The following CARMIL1 variants were observed in gnomAD, a reference collection of about 807,000 sequenced individuals.
CARMIL1 encodes the protein capping protein regulator and myosin 1 linker 1, also known as F-actin-uncapping protein LRRC16A.
A neutral mutation model predicts 177.1 loss-of-function variants in CARMIL1; 90 were observed. The observed-to-expected ratio is 0.51, with a 90% CI of 0.43 to 0.61. CARMIL1 has a LOEUF of 0.61. Ranked by LOEUF, CARMIL1 falls within the 20% of genes least tolerant of loss-of-function variation. CARMIL1 has a pLI of 0.00. For synonymous variants in CARMIL1, 577 were observed against 606.2 expected (o/e 0.95, Z 0.71); for missense variants, 1,380 against 1,667.0 (o/e 0.83, Z 3.00).
intron 3 of CARMIL1, among the ~76,000 whole-genome samples, chr6:25,422,733 C>T (rs6927091): frequency 0.043 from 6,587 of 152,150 alleles, 145 homozygotes; most frequent in Admixed American, 0.054. Flanking sequence ...TATTCAAGCA[C>T]CCTATTGAAT....
intron 8 of CARMIL1, 117 bp from the exon 9 acceptor site, chr6:25,465,753 ATGT>A: frequency 1.4e-6 from 1 of 693,100 alleles, no homozygotes; most frequent in East Asian, 2.5e-5. Context: ...GGCCAACTAG[ATGT>A]TGTGTTTCTG....
intron 2 of CARMIL1, among the ~76,000 whole-genome samples, chr6:25,302,967 G>A (rs1016557114): frequency 6.6e-6 from 1 of 152,132 alleles, no homozygotes; most frequent in Non-Finnish European, 1.5e-5. Context: ...TCTCAGGAAT[G>A]TGAATTACAG....
At chr6:25,503,264 C>T (rs1436845416) in intron 17 of CARMIL1, among the ~76,000 whole-genome samples, 2 of 152,178 alleles carry the variant, frequency 1.3e-5, no homozygotes, top group Non-Finnish European at 2.9e-5. Flanking sequence ...GTTCTCCCCA[C>T]TTATAACCTG....
chr6:25,547,358 A>G (rs1809604584), intron 26 of CARMIL1, among the ~76,000 whole-genome samples: 1 of 152,188 alleles, frequency 6.6e-6, no homozygotes, highest in Non-Finnish European at 1.5e-5. Context: ...TAGCCCAGAC[A>G]CATATAAAGA....
chr6:25,444,824 C>T (rs1798072456), intron 5 of CARMIL1, among the ~76,000 whole-genome samples: 2 of 152,146 alleles, frequency 1.3e-5, no homozygotes, highest in Non-Finnish European at 2.9e-5. Flanking sequence ...AATAGTGCTG[C>T]AATAAACATA....
intron 29 of CARMIL1, among the ~76,000 whole-genome samples, chr6:25,575,914 C>T (rs1812544384): frequency 2.0e-5 from 3 of 152,046 alleles, no homozygotes; most frequent in African/African-American, 7.2e-5. Flanking sequence ...ATTTCCATCC[C>T]ATTTTATATT....
At chr6:25,388,695 G>C (rs1367931233) in intron 2 of CARMIL1, among the ~76,000 whole-genome samples, 1 of 150,280 alleles carries the variant, frequency 6.7e-6, no homozygotes, top group African/African-American at 2.5e-5. Flanking sequence ...TAAGAGACAG[G>C]GTGTTGCTCT....
intron 4 of CARMIL1, among the ~76,000 whole-genome samples, chr6:25,433,475 GA>G (rs1484172950): frequency 6.6e-6 from 1 of 152,202 alleles, no homozygotes; most frequent in Non-Finnish European, 1.5e-5. Context: ...ATGTGCATAT[GA>G]AAAATATGAG....
chr6:25,450,199 A>T (rs1399443898), intron 6 of CARMIL1, 140 bp from the exon 7 acceptor site: 1 of 731,420 alleles, frequency 1.4e-6, no homozygotes, highest in African/African-American at 1.8e-5. Flanking sequence ...TAGAACAGGG[A>T]GGAGAATCTT....
At chr6:25,585,936 A>G (rs1813606937) in intron 31 of CARMIL1, among the ~76,000 whole-genome samples, 1 of 152,222 alleles carries the variant, frequency 6.6e-6, no homozygotes, top group Admixed American at 6.5e-5. Context: ...GGAGTCTCCT[A>G]TGTCTACTTC....
At chr6:25,404,583 C>G (rs1794189566) in intron 2 of CARMIL1, among the ~76,000 whole-genome samples, 1 of 151,970 alleles carries the variant, frequency 6.6e-6, no homozygotes, top group Non-Finnish European at 1.5e-5. Context: ...ATGGTAAAAC[C>G]CATCTCTACT....
intron 2 of CARMIL1, among the ~76,000 whole-genome samples, chr6:25,352,414 A>G (rs1473054547): frequency 2.0e-5 from 3 of 151,968 alleles, no homozygotes; most frequent in Non-Finnish European, 4.4e-5. Flanking sequence ...ATATATGACT[A>G]ATGTATATAA....
chr6:25,451,669 C>T (rs546644796), intron 8 of CARMIL1, among the ~76,000 whole-genome samples: 25 of 152,236 alleles, frequency 1.6e-4, no homozygotes, highest in African/African-American at 3.6e-4. Context: ...CAGTCGAGCC[C>T]GGCCCTATTC....
intron 8 of CARMIL1, among the ~76,000 whole-genome samples, chr6:25,459,270 T>TTTCTCTTTCTTTCTTTCTTTC (rs1799896544): frequency 9.4e-5 from 2 of 21,214 alleles, no homozygotes; most frequent in Admixed American, 5.8e-4. Context: ...TTCTTTCTTT[T>TTTCTCTTTCTTTCTTTCTTTC]TTTTTTTTTT....
At chr6:25,307,917 T>C (rs796235444) in intron 2 of CARMIL1, among the ~76,000 whole-genome samples, 59 of 152,320 alleles carry the variant, frequency 3.9e-4, no homozygotes, top group African/African-American at 1.4e-3. Flanking sequence ...TTTTTACCTC[T>C]TGGGAGAGAA....
At chr6:25,448,487 A>G (rs564460298) in intron 5 of CARMIL1, among the ~76,000 whole-genome samples, 5 of 152,196 alleles carry the variant, frequency 3.3e-5, no homozygotes, top group South Asian at 2.1e-4. Flanking sequence ...TCCTCTCACC[A>G]TGCTTCACCT....
intron 8 of CARMIL1, among the ~76,000 whole-genome samples, chr6:25,454,885 G>T (rs890227075): frequency 1.3e-5 from 2 of 152,112 alleles, no homozygotes; most frequent in Non-Finnish European, 2.9e-5. Flanking sequence ...TTGATGTGAT[G>T]TGTGTGGGTT....
At chr6:25,459,269 T>TCTTTCTCTTTCTTTC (rs56094712) in intron 8 of CARMIL1, among the ~76,000 whole-genome samples, 6 of 118,212 alleles carry the variant, frequency 5.1e-5, no homozygotes, top group African/African-American at 1.6e-4. Context: ...TTTCTTTCTT[T>TCTTTCTCTTTCTTTC]TTTTTTTTTT....
chr6:25,429,430 T>C (rs941215500), intron 4 of CARMIL1, among the ~76,000 whole-genome samples: 4 of 152,174 alleles, frequency 2.6e-5, no homozygotes, highest in Non-Finnish European at 5.9e-5. Context: ...AAACATCTAA[T>C]AGGCTAACTT....
Sources: allele counts gnomAD v4.1 joint callset (sites outside exome capture counted in the v4.1 genomes callset), GRCh38; gene constraint gnomAD v4.1.1; transcripts MANE v1.5; gene names NCBI Gene and HGNC (gene_info 2026-07-23, HGNC 2026-07-21).